NAV2: variants seen among roughly 807,000 people sequenced by gnomAD.
NAV2 encodes the protein helicase, APC down-regulated 1.
A neutral mutation model predicts 223.2 loss-of-function variants in NAV2; 54 were observed. The observed-to-expected ratio is 0.24, with a 90% CI of 0.19 to 0.30. NAV2 has a LOEUF of 0.30. Among genes scored for constraint, NAV2 ranks in the 10% least tolerant of loss-of-function variants. The pLI is 1.00. For missense variants in NAV2, 2,806 were observed against 3,147.5 expected (o/e 0.89, Z 2.60); for synonymous variants, 1,279 against 1,239.3 (o/e 1.03, Z -0.67).
intron 26 of NAV2, among the ~76,000 whole-genome samples, chr11:20,087,116 G>A (rs1235847904): frequency 1.3e-5 from 2 of 152,200 alleles, no homozygotes; most frequent in Non-Finnish European, 2.9e-5. Context: ...CGGCCAGCAA[G>A]GTGGGAGGAA....
At chr11:20,056,293 C>T (rs1174451092) in intron 19 of NAV2, among the ~76,000 whole-genome samples, 2 of 152,238 alleles carry the variant, frequency 1.3e-5, no homozygotes, top group Non-Finnish European at 2.9e-5. Flanking sequence ...GCTCAGCCAC[C>T]GGCTCACCAT....
chr11:19,938,459 A>G (rs2046111114), intron 7 of NAV2, among the ~76,000 whole-genome samples: 1 of 152,234 alleles, frequency 6.6e-6, no homozygotes, highest in Non-Finnish European at 1.5e-5. Flanking sequence ...ATCTGCAATA[A>G]CAAAGACAGT....
At chr11:19,358,237 T>A (rs1056433427) in intron 1 of NAV2, among the ~76,000 whole-genome samples, 1 of 152,338 alleles carries the variant, frequency 6.6e-6, no homozygotes, top group Admixed American at 6.5e-5. Flanking sequence ...AGATGTTTTT[T>A]ACAACGCAGC....
At chr11:19,659,596 A>G (rs796654243) in intron 1 of NAV2, among the ~76,000 whole-genome samples, 3 of 152,156 alleles carry the variant, frequency 2.0e-5, no homozygotes, top group East Asian at 3.8e-4. Flanking sequence ...ATAGGGACAC[A>G]TTGGAGATAC....
chr11:19,413,969 C>A (rs1043723126), intron 1 of NAV2, among the ~76,000 whole-genome samples: 6 of 152,160 alleles, frequency 3.9e-5, no homozygotes, highest in African/African-American at 1.4e-4. Flanking sequence ...AAAAACATAC[C>A]AAATTGTAAA....
intron 1 of NAV2, among the ~76,000 whole-genome samples, chr11:19,552,855 G>A (rs1162821813): frequency 1.4e-5 from 2 of 141,838 alleles, no homozygotes; most frequent in Admixed American, 7.3e-5. Flanking sequence ...CTTCTTTAGC[G>A]TTAACATTGC....
intron 6 of NAV2, among the ~76,000 whole-genome samples, chr11:19,894,549 A>G (rs2041793904): frequency 1.3e-5 from 2 of 152,316 alleles, no homozygotes; most frequent in South Asian, 4.1e-4. Flanking sequence ...ACAGCTGCCT[A>G]TGGGTGTGCC....
intron 11 of NAV2, among the ~76,000 whole-genome samples, chr11:20,019,288 T>C (rs1281316967): frequency 2.0e-5 from 3 of 152,132 alleles, no homozygotes; most frequent in Admixed American, 2.0e-4. Context: ...TTGGGGACTC[T>C]AGGCAAAAGG....
chr11:19,466,614 T>A (rs1170594120), intron 1 of NAV2, among the ~76,000 whole-genome samples: 2 of 152,218 alleles, frequency 1.3e-5, no homozygotes, highest in Non-Finnish European at 2.9e-5. Flanking sequence ...GACACTTGCT[T>A]ATTCTACAGC....
At chr11:20,051,845 T>C (rs865856764) in intron 17 of NAV2, among the ~76,000 whole-genome samples, 2 of 152,196 alleles carry the variant, frequency 1.3e-5, no homozygotes, top group Admixed American at 1.3e-4. Context: ...AATGGAAAAT[T>C]GGTCCACTTT....
chr11:19,641,706 T>C (rs2047671390), intron 1 of NAV2, among the ~76,000 whole-genome samples: 2 of 152,072 alleles, frequency 1.3e-5, no homozygotes, highest in East Asian at 1.9e-4. Context: ...GCTCTTCCTA[T>C]GGTGACTCTT....
intron 6 of NAV2, among the ~76,000 whole-genome samples, chr11:19,929,309 G>A (rs1307543262): frequency 6.6e-6 from 1 of 152,148 alleles, no homozygotes; most frequent in East Asian, 1.9e-4. Flanking sequence ...CAGCCACTCA[G>A]CCAAGCTCTG....
At chr11:19,688,471 T>C (rs1331620040) in intron 1 of NAV2, among the ~76,000 whole-genome samples, 1 of 152,206 alleles carries the variant, frequency 6.6e-6, no homozygotes, top group African/African-American at 2.4e-5. Context: ...GCAGCAAGCA[T>C]CTTTCCGGGC....
chr11:19,473,176 A>C (rs1364671196), intron 1 of NAV2, among the ~76,000 whole-genome samples: 1 of 152,168 alleles, frequency 6.6e-6, no homozygotes, highest in African/African-American at 2.4e-5. Flanking sequence ...TATGTGGCTT[A>C]GTCAGGTGTA....
intron 1 of NAV2, among the ~76,000 whole-genome samples, chr11:19,667,495 G>A (rs2048448682): frequency 6.6e-6 from 1 of 152,224 alleles, no homozygotes; most frequent in East Asian, 1.9e-4. Flanking sequence ...TGAAGAGGAG[G>A]AGACAATTCA....
chr11:19,814,313 T>C (rs1375300393), intron 1 of NAV2, among the ~76,000 whole-genome samples: 1 of 152,104 alleles, frequency 6.6e-6, no homozygotes, highest in African/African-American at 2.4e-5. Flanking sequence ...AGGGACTTGC[T>C]TGGGGGAAAC....
intron 1 of NAV2, among the ~76,000 whole-genome samples, chr11:19,813,785 T>C (rs2058957331): frequency 6.6e-6 from 1 of 152,142 alleles, no homozygotes; most frequent in Non-Finnish European, 1.5e-5. Context: ...GGTTGAGCCA[T>C]GCCTGTAAGC....
chr11:19,804,295 CA>C (rs1320092830), intron 1 of NAV2, among the ~76,000 whole-genome samples: 5 of 152,202 alleles, frequency 3.3e-5, no homozygotes, highest in Non-Finnish European at 7.3e-5. Flanking sequence ...TTATTTTAAT[CA>C]GTACTCTTTG....
At chr11:19,724,102 T>G (rs2051020262) in intron 1 of NAV2, among the ~76,000 whole-genome samples, 1 of 152,210 alleles carries the variant, frequency 6.6e-6, no homozygotes, top group Admixed American at 6.5e-5. Context: ...AGGAGACCTA[T>G]GAGGCCATCT....
Sources: gnomAD v4.1 joint callset for allele counts (sites outside exome capture counted in the v4.1 genomes callset) on GRCh38, gnomAD v4.1.1 for gene constraint, MANE v1.5 for transcripts, NCBI Gene and HGNC (gene_info 2026-07-23, HGNC 2026-07-21) for gene names.